ODAD4: variants seen among roughly 807,000 people sequenced by gnomAD.
ODAD4 encodes outer dynein arm docking complex subunit 4.
A neutral mutation model predicts 51.8 loss-of-function variants in ODAD4; 49 were observed. That is an observed-to-expected ratio of 0.95 (90% CI 0.75 to 1.20). The LOEUF (loss-of-function observed/expected upper bound fraction) is 1.20, where lower values mean the gene tolerates loss of function less well. Ranked by LOEUF, ODAD4 falls within the 50% of genes most tolerant of loss-of-function variation. The pLI, the probability that ODAD4 is intolerant of heterozygous loss-of-function variation, is 0.00. For missense variants in ODAD4, 590 were observed against 586.5 expected (o/e 1.01, Z -0.06); for synonymous variants, 235 against 221.3 (o/e 1.06, Z -0.55).
chr17:41,934,067 C>T lies in ODAD4; in HGVS notation c.115-1150C>T, dbSNP rs1354497534. ...TTTTTTTTTTTTTTTTTTGAGACAG[C>T]GTCTCACTCCATCACCCAGGCTGGA... On this transcript the variant is annotated intron_variant, in intron 1 of 11. Transcript: ENST00000377540. Among the ~76,000 whole-genome samples, 4 of 84,512 alleles carry T rather than the reference C, an allele frequency of 4.7e-5. No homozygotes were observed. The East Asian group carries it at 1.7e-3, about 37-fold the overall frequency. The allele number at this position is 84,512 out of a possible 152,430, so 55.4% of individuals were successfully genotyped here. A position where few individuals can be genotyped will look rare whatever the true frequency, so the allele number is the denominator to read the frequency against.
chr17:41,938,866 G>A (rs2050466455), intron 6 of ODAD4, 85 bp downstream of exon 6: 19 of 1,574,760 alleles, frequency 1.2e-5, no homozygotes, highest in South Asian at 3.4e-5. Context: ...TGAGCCCCTG[G>A]TCTCTCAGAC....
At chr17:41,951,167 C>T (rs2050646076) in intron 9 of ODAD4, among the ~76,000 whole-genome samples, 1 of 151,802 alleles carries the variant, frequency 6.6e-6, no homozygotes, top group Admixed American at 6.6e-5. Flanking sequence ...TCACTGCAAC[C>T]TCCGCCTCCC....
At chr17:41,956,743 T>C (rs1053686320) in intron 10 of ODAD4, among the ~76,000 whole-genome samples, 3 of 151,754 alleles carry the variant, frequency 2.0e-5, no homozygotes, top group Non-Finnish European at 1.5e-5. Context: ...AGCGAGACCC[T>C]GTCTCTAAAT....
rs904513795 is a variant in ODAD4, at chr17:41,951,028, A to C, written c.1342+1679A>C. ...CCCGGCCTCCAAGGGAACCTTTCAG[A>C]GTGATGGAAATGTTCTAAAATGGGA... On this transcript the variant is annotated intron_variant, in intron 9 of 11. Transcript: ENST00000377540. Among the ~76,000 whole-genome samples the C allele has an allele frequency of 4.0e-5, 6 of 150,098 alleles. No homozygotes were observed. In the East Asian group the frequency reaches 1.2e-3, roughly 30 times the overall value.
chr17:41,944,609 G>T (rs1441688872), intron 7 of ODAD4, among the ~76,000 whole-genome samples: 1 of 151,766 alleles, frequency 6.6e-6, no homozygotes, highest in African/African-American at 2.4e-5. Flanking sequence ...TTCCGACATG[G>T]CGGCAAGCTT....
At position 41,963,613 on chromosome 17, in the gene ODAD4, T is replaced by C. The variant is rs139653347; in HGVS notation, c.1529-1380T>C. The stretch of plus-strand genomic sequence containing the variant: ...TTCTGTCTCACTTGCACACTTGCAG[T>C]GTGACCATTGTGTGATTTCTTTTCT... On this transcript the variant is annotated intron_variant, in intron 11 of 11. Transcript: ENST00000377540. Among the ~76,000 whole-genome samples the C allele has an allele frequency of 1.7e-3, 258 of 152,170 alleles. 1 individual carries two copies. The highest frequency in any genetic ancestry group is 6.8e-3 in the Middle Eastern group (2 of 294).
At chr17:41,945,021 A>AC in intron 7 of ODAD4, 115 bp from the exon 8 acceptor site, 1 of 783,182 alleles carries the variant, frequency 1.3e-6, no homozygotes, top group South Asian at 1.7e-5. Flanking sequence ...TGTCCCTCCA[A>AC]CTGAAACCCT....
chr17:41,961,309 G>A, intron 10 of ODAD4, 73 bp from the exon 11 acceptor site: 1 of 700,348 alleles, frequency 1.4e-6, no homozygotes, highest in Non-Finnish European at 2.7e-6. Flanking sequence ...TGCCTTCTGG[G>A]ATTGATCTGG....
intron 8 of ODAD4, among the ~76,000 whole-genome samples, chr17:41,947,571 C>T (rs1042337043): frequency 5.6e-4 from 77 of 138,614 alleles, no homozygotes; most frequent in African/African-American, 1.9e-3. Context: ...CCGAGGTGGG[C>T]GGACCTCCTG....
At chr17:41,938,849 A>T in intron 6 of ODAD4, 68 bp downstream of exon 6, 1 of 1,578,516 alleles carries the variant, frequency 6.3e-7, no homozygotes, top group Non-Finnish European at 8.7e-7. Context: ...AGGAGCAACC[A>T]GGTGTCTGAG....
intron 1 of ODAD4, among the ~76,000 whole-genome samples, chr17:41,933,231 T>C (rs1450844864): frequency 1.3e-5 from 2 of 152,012 alleles, no homozygotes; most frequent in Non-Finnish European, 2.9e-5. Flanking sequence ...AGCTACTTCC[T>C]CTTCTTAGAA....
Position 41,955,319 on chromosome 17 carries a change from T to A in ODAD4, c.1443+2T>A. On this transcript the variant is annotated splice_donor_variant, in intron 10 of 11. Transcript: ENST00000377540. LOFTEE classifies it high-confidence loss of function. ...GAGGCGCAGCAGGCCATCATCAGTG[T>A]GAGCCTTTCCACCCGCCGGGCTTCG... is the stretch of plus-strand genomic sequence containing the variant. 1.3e-6 allele frequency: 1 copy of A among 776,020 alleles called. No homozygotes were observed. Among genetic ancestry groups the A allele is most frequent in the East Asian group, 2.4e-5 (1 of 41,170 alleles). 48.1% of individuals were successfully genotyped at this position (776,020 alleles called of 1,614,324 possible). A position where few individuals can be genotyped will look rare whatever the true frequency, so the allele number is the denominator to read the frequency against.
intron 7 of ODAD4, among the ~76,000 whole-genome samples, 200 bp downstream of exon 7, chr17:41,939,372 A>G (rs571121354): frequency 1.1e-4 from 16 of 152,272 alleles, no homozygotes; most frequent in Middle Eastern, 3.4e-3. Context: ...TTTGCCACCA[A>G]AAGGGTAGTG....
chr17:41,963,676 T>C (rs1231388640), intron 11 of ODAD4, among the ~76,000 whole-genome samples: 1 of 151,894 alleles, frequency 6.6e-6, no homozygotes, highest in African/African-American at 2.4e-5. Flanking sequence ...TCTTGTTCTG[T>C]CATCCAGGCT....
At chr17:41,952,276 G>A (rs1598085514) in intron 9 of ODAD4, among the ~76,000 whole-genome samples, 1 of 150,814 alleles carries the variant, frequency 6.6e-6, no homozygotes, top group African/African-American at 2.4e-5. Flanking sequence ...GCTGAGGCAG[G>A]AGAGTTGCTT....
chr17:41,939,315 A>C, intron 7 of ODAD4, 143 bp downstream of exon 7: 6 of 832,426 alleles, frequency 7.2e-6, no homozygotes, highest in Non-Finnish European at 1.1e-5. Flanking sequence ...GGAGGTGGGG[A>C]CCACCTGCCC....
intron 10 of ODAD4, among the ~76,000 whole-genome samples, chr17:41,956,941 T>C (rs1372436259): frequency 6.6e-6 from 1 of 152,228 alleles, no homozygotes; most frequent in Non-Finnish European, 1.5e-5. Flanking sequence ...AGTGTCTCTC[T>C]GTCACACAGA....
At chr17:41,935,079 C>A (rs1598069661) in intron 1 of ODAD4, 138 bp from the exon 2 acceptor site, 1 of 1,010,404 alleles carries the variant, frequency 9.9e-7, no homozygotes, top group Non-Finnish European at 1.4e-6. Flanking sequence ...CCTGAAGAAT[C>A]CCCTTGATTC....
At chr17:41,938,819 A>G (rs1555638276) in intron 6 of ODAD4, 38 bp downstream of exon 6, 8 of 1,603,484 alleles carry the variant, frequency 5.0e-6, no homozygotes, top group Non-Finnish European at 6.8e-6. Context: ...AGGTGCCTCC[A>G]GTGCCTTATC....
Sources: allele counts gnomAD v4.1 joint callset (sites outside exome capture counted in the v4.1 genomes callset), GRCh38; gene constraint gnomAD v4.1.1; transcripts MANE v1.5; gene names NCBI Gene and HGNC (gene_info 2026-07-23, HGNC 2026-07-21).